The following NR2C1 variants were observed in gnomAD, a reference collection of about 807,000 sequenced individuals.
The protein encoded by NR2C1 is TR2 nuclear hormone receptor.
A neutral mutation model predicts 74.8 loss-of-function variants in NR2C1; 33 were observed. The ratio of observed to expected loss-of-function variants is 0.44; its 90% CI spans 0.33 to 0.59. The LOEUF (loss-of-function observed/expected upper bound fraction) is 0.59, where lower values mean the gene tolerates loss of function less well. Among genes scored for constraint, NR2C1 ranks in the 20% least tolerant of loss-of-function variants. NR2C1 has a pLI of 0.02. For missense variants in NR2C1, 568 were observed against 715.6 expected, an observed-to-expected ratio of 0.79 and a Z score of 2.35; for synonymous variants, 225 against 240.6, an observed-to-expected ratio of 0.94 and a Z score of 0.60.
At chr12:95,069,603 T>C (rs1043689976) in intron 1 of NR2C1, among the ~76,000 whole-genome samples, 20 of 152,196 alleles carry the variant, frequency 1.3e-4, no homozygotes, top group African/African-American at 4.1e-4. Flanking sequence ...TGTGATAAAA[T>C]CACTTAGGGA....
intron 7 of NR2C1, among the ~76,000 whole-genome samples, chr12:95,054,834 T>C (rs1873594073): frequency 6.6e-6 from 1 of 151,986 alleles, no homozygotes. Context: ...AGGACAATAG[T>C]GGAGGGACGG....
chr12:95,042,538 T>TA (rs1186687615), intron 9 of NR2C1, among the ~76,000 whole-genome samples: 2 of 152,020 alleles, frequency 1.3e-5, no homozygotes, highest in Admixed American at 6.6e-5. Context: ...CTATCTAAAA[T>TA]ACCGCACCTG....
At chr12:95,055,103 AG>A (rs746641317) in intron 7 of NR2C1, among the ~76,000 whole-genome samples, 10 of 152,222 alleles carry the variant, frequency 6.6e-5, no homozygotes, top group Non-Finnish European at 1.2e-4. Flanking sequence ...ATCCCAAGGC[AG>A]AAGAATTTTT....
intron 8 of NR2C1, among the ~76,000 whole-genome samples, chr12:95,049,924 C>T (rs567441999): frequency 6.6e-5 from 10 of 152,222 alleles, no homozygotes; most frequent in South Asian, 2.1e-4. Context: ...CTCAACCTCC[C>T]GAGCAGCTGG....
intron 2 of NR2C1, among the ~76,000 whole-genome samples, chr12:95,064,645 C>T (rs902975151): frequency 1.3e-5 from 2 of 152,138 alleles, no homozygotes; most frequent in Non-Finnish European, 2.9e-5. Context: ...CATCTGCCAT[C>T]TGGGGGGGAG....
intron 7 of NR2C1, among the ~76,000 whole-genome samples, chr12:95,053,681 G>GTTTTTTT (rs550069594): frequency 6.9e-4 from 71 of 103,392 alleles, no homozygotes; most frequent in African/African-American, 2.7e-3. Flanking sequence ...TCTTTTTGGT[G>GTTTTTTT]TTTTTTTTTT....
chr12:95,022,383 C>CT lies in NR2C1; in HGVS notation c.1657dup (p.Arg553LysfsTer14). ...ATTCATCAGTCTTAAAGCTGGCAAT[C>CT]TGAGTAGTAGTCTGGATAACCTAAA... On this transcript the variant is annotated frameshift_variant, in exon 14 of 14. Coordinates refer to ENST00000333003, the MANE Select transcript of NR2C1 (RefSeq NM_003297.4). LOFTEE classifies it high-confidence loss of function. 1 of 1,612,068 alleles carries CT rather than the reference C, an allele frequency of 6.2e-7. No homozygotes were observed. The highest frequency in any genetic ancestry group is 8.5e-7 in the Non-Finnish European group (1 of 1,179,558).
chr12:95,031,264 T>C lies in NR2C1; in HGVS notation c.1393+85A>G, dbSNP rs558775150. Reference sequence around the variant, plus strand: ...ACCTAAAACACTAATATAATAATTATTAGATATCTAACTTTAGTCATAACA... The same window carrying C: ...ACCTAAAACACTAATATAATAATTACTAGATATCTAACTTTAGTCATAACA... On this transcript the variant is annotated intron_variant, in intron 11 of 13. Coordinates refer to ENST00000333003, the MANE Select transcript of NR2C1 (RefSeq NM_003297.4). 7 of 1,107,554 alleles carry C rather than the reference T, an allele frequency of 6.3e-6. No homozygotes were observed. In the African/African-American group the frequency reaches 1.1e-4, roughly 18 times the overall value. The allele number at this position is 1,107,554 out of a possible 1,614,324, so 68.6% of individuals were successfully genotyped here. A position where few individuals can be genotyped will look rare whatever the true frequency, so the allele number is the denominator to read the frequency against.
rs1480769373 is a variant in NR2C1, at chr12:95,049,115, T to C, written c.1084A>G (p.Thr362Ala). Reference sequence around the variant, plus strand: ...CTGAGAAGTGGCCCCTCTTTTTCGGTGTAATTTATGCTTGAATCTCCAGTG... The same window carrying C: ...CTGAGAAGTGGCCCCTCTTTTTCGGCGTAATTTATGCTTGAATCTCCAGTG... ...LITGDSSINY[T>A]EKEGPLLSDS... Residue 362 changes from threonine (T) to alanine (A), a missense_variant, in exon 9 of 14, where the codon ACC becomes GCC. By Grantham distance (58) the Thr-to-Ala change is moderately conservative. Coordinates refer to ENST00000333003, the MANE Select transcript of NR2C1 (RefSeq NM_003297.4). 2 of 1,614,088 alleles carry C rather than the reference T, an allele frequency of 1.2e-6. No homozygotes were observed. The highest frequency in any genetic ancestry group is 4.5e-5 in the East Asian group (2 of 44,892).
intron 11 of NR2C1, chr12:95,030,576 G>A: frequency 1.9e-6 from 3 of 1,613,320 alleles, no homozygotes; most frequent in East Asian, 2.2e-5. Context: ...GGAATGTGAT[G>A]CTGCCTTCTA....
intron 12 of NR2C1, 77 bp downstream of exon 12, chr12:95,028,310 C>T (rs902781288): frequency 1.6e-6 from 2 of 1,240,118 alleles, no homozygotes; most frequent in Non-Finnish European, 2.3e-6. Flanking sequence ...TACATCCCCA[C>T]TTGCAACATA....
chr12:95,057,681 T>C (rs369112481), intron 6 of NR2C1, 38 bp from the exon 7 acceptor site: 273 of 1,612,672 alleles, frequency 1.7e-4, no homozygotes, highest in Non-Finnish European at 2.0e-4. Context: ...CTGAGTTTCA[T>C]TGGGAAGAAA....
intron 7 of NR2C1, among the ~76,000 whole-genome samples, chr12:95,053,840 T>C (rs908143745): frequency 1.6e-4 from 24 of 152,052 alleles, no homozygotes; most frequent in South Asian, 6.2e-4. Flanking sequence ...CCCGCCACCA[T>C]GCCCAGCTAA....
rs922237770 is a variant in NR2C1 at position 95,020,282 on chromosome 12, T to A, written c.*1947A>T. 2 of 152,130 alleles carry A rather than the reference T, an allele frequency of 1.3e-5. No individual in the cohort carries two copies. Among genetic ancestry groups the A allele is most frequent in the African/African-American group, 2.4e-5 (1 of 41,438 alleles). 9.4% of individuals were successfully genotyped at this position (152,130 alleles called of 1,614,324 possible). ...AAATATACTGGTAAGACACAGAAAT[T>A]TGTAATGCAAGTCACATTTTAATAT... On this transcript the variant is annotated 3_prime_UTR_variant, in exon 14 of 14. Transcript: ENST00000333003.
intron 9 of NR2C1, among the ~76,000 whole-genome samples, chr12:95,043,689 C>CAAAA (rs34229669): frequency 1.6e-4 from 15 of 94,292 alleles, no homozygotes; most frequent in South Asian, 1.0e-3. Context: ...GACTCTGTCT[C>CAAAA]AAAAAAAAAA....
chr12:95,046,352 G>A (rs1483566377), intron 9 of NR2C1, among the ~76,000 whole-genome samples: 1 of 152,178 alleles, frequency 6.6e-6, no homozygotes, highest in Non-Finnish European at 1.5e-5. Context: ...TCGGGAGGCC[G>A]AAGTGAGAGG....
In NR2C1 at chr12:95,022,266, G is replaced by A; in HGVS notation, c.1775C>T (p.Ala592Val). The A allele has an allele frequency of 6.2e-7, 1 of 1,612,206 alleles. No homozygotes were observed. Residue 592 changes from alanine to valine, a missense_variant, in exon 14 of 14, where the codon GCA (alanine) becomes GTA (valine). Around this residue, in one of 6 missense-constraint regions of NR2C1, gnomAD observed 117 missense variants for 186.7 expected, o/e 0.63. Transcript: ENST00000333003. The part of the protein sequence containing the change: ...VIPHILKMEP[A>V]DYNSQIIGHS... Reference sequence around the variant, plus strand: ...ACCAATTATTTGAGAGTTATAATCTGCAGGCTCCATTTTCAAAATATGTGG... The same window carrying A: ...ACCAATTATTTGAGAGTTATAATCTACAGGCTCCATTTTCAAAATATGTGG...
chr12:95,045,255 G>T (rs1186179245), intron 9 of NR2C1, among the ~76,000 whole-genome samples: 2 of 152,172 alleles, frequency 1.3e-5, no homozygotes, highest in Non-Finnish European at 2.9e-5. Flanking sequence ...GAAAGCTAAT[G>T]GCATGTGTGA....
intron 1 of NR2C1, among the ~76,000 whole-genome samples, chr12:95,071,198 T>A (rs1174128930): frequency 6.9e-6 from 1 of 144,888 alleles, no homozygotes; most frequent in Non-Finnish European, 1.5e-5. Flanking sequence ...CAAAACTCCG[T>A]CTCAAAAAAA....
Sources: gnomAD v4.1 joint callset for allele counts (sites outside exome capture counted in the v4.1 genomes callset) on GRCh38, gnomAD v4.1.1 for gene constraint, gnomAD v4.1.1 regional missense constraint, MANE v1.5 for transcripts, NCBI Gene and HGNC (gene_info 2026-07-23, HGNC 2026-07-21) for gene names.